Variants in ROBO2 observed in about 807,000 individuals in gnomAD.
The protein encoded by ROBO2 is roundabout homolog 2.
In ROBO2, 53 loss-of-function variants were observed where a neutral mutation model predicts 160.8. The ratio of observed to expected loss-of-function variants is 0.33; its 90% CI spans 0.26 to 0.41. ROBO2 has a LOEUF of 0.41. ROBO2 is among the 10% of genes least tolerant of loss of function. The probability of loss-of-function intolerance (pLI) is 1.00; values close to 1 mark genes in which losing one functional copy is unlikely to be tolerated. For missense variants in ROBO2, 1,577 were observed against 1,722.4 expected (o/e 0.92, Z 1.49); for synonymous variants, 664 against 611.7 (o/e 1.09, Z -1.26).
In ROBO2 at chr3:76,970,278, C is replaced by T. The variant is rs115483795; in HGVS notation, c.110-127736C>T. ...CTACCTCTACCATTTCCTTTACTTTCGGGAAAGGAGATTTTAAGTAAATAC... is the reference window on the plus strand; with the variant it reads ...CTACCTCTACCATTTCCTTTACTTTTGGGAAAGGAGATTTTAAGTAAATAC... On this transcript the variant is annotated intron_variant, in intron 2 of 26. Coordinates refer to the ROBO2 transcript ENST00000487694. 2.0e-3 allele frequency among the ~76,000 whole-genome samples: 307 copies of T among 152,182 alleles called. 1 individual carries two copies. Among genetic ancestry groups the T allele is most frequent in the African/African-American group, 7.2e-3 (301 of 41,532 alleles).
intron 2 of ROBO2, among the ~76,000 whole-genome samples, chr3:76,901,815 T>C (rs527663178): frequency 4.7e-4 from 72 of 152,128 alleles, no homozygotes; most frequent in African/African-American, 1.7e-3. Context: ...TGCACACATT[T>C]GATCAAAGAT....
At chr3:77,307,770 C>T (rs977004433) in intron 2 of ROBO2, among the ~76,000 whole-genome samples, 3 of 152,108 alleles carry the variant, frequency 2.0e-5, no homozygotes, top group Admixed American at 1.3e-4. Context: ...GTAATCCCAG[C>T]TACTCGGGAG....
intron 2 of ROBO2, among the ~76,000 whole-genome samples, chr3:76,449,523 C>T (rs753729956): frequency 6.6e-6 from 1 of 152,024 alleles, no homozygotes; most frequent in Non-Finnish European, 1.5e-5. Context: ...CTTTCTTAAC[C>T]GGACTCGATT....
intron 2 of ROBO2, among the ~76,000 whole-genome samples, chr3:76,465,285 G>A (rs2106889672): frequency 1.3e-5 from 2 of 152,106 alleles, no homozygotes; most frequent in South Asian, 4.1e-4. Context: ...GCATATACAT[G>A]TATCATGAGT....
intron 2 of ROBO2, among the ~76,000 whole-genome samples, chr3:77,416,276 A>G (rs751919533): frequency 6.6e-6 from 1 of 152,138 alleles, no homozygotes; most frequent in East Asian, 1.9e-4. Context: ...GGCCTGGAGA[A>G]TGCACCATTT....
In ROBO2 at chr3:76,499,503, A is replaced by G. The variant is rs77535331; in HGVS notation, c.109+561901A>G. Among the ~76,000 whole-genome samples, 6 of 152,246 alleles carry G rather than the reference A, an allele frequency of 3.9e-5. No individual in the cohort carries two copies. In the East Asian group the frequency reaches 1.2e-3, roughly 29 times the overall value. ...CATATGGCTTGACTTTCAGGAGTAC[A>G]TTTCTCAAGTCCTAAATTATTCCTT... On this transcript the variant is annotated intron_variant, in intron 2 of 26. Transcript: ENST00000487694.
intron 2 of ROBO2, among the ~76,000 whole-genome samples, chr3:76,951,429 T>C (rs901967367): frequency 2.6e-5 from 4 of 152,230 alleles, no homozygotes; most frequent in Non-Finnish European, 4.4e-5. Flanking sequence ...GATAATGTAT[T>C]TGAAATTAGA....
chr3:77,002,776 T>A (rs2061395394), intron 2 of ROBO2, among the ~76,000 whole-genome samples: 1 of 152,154 alleles, frequency 6.6e-6, no homozygotes. Context: ...CTTTTTATGT[T>A]TTCCTTTTTG....
chr3:76,217,885 T>C (rs1384653626), intron 2 of ROBO2, among the ~76,000 whole-genome samples: 1 of 152,156 alleles, frequency 6.6e-6, no homozygotes, highest in Admixed American at 6.6e-5. Context: ...ACCAATATCC[T>C]TGATGAACAT....
At chr3:76,260,146 T>C (rs1027803872) in intron 2 of ROBO2, among the ~76,000 whole-genome samples, 2 of 152,118 alleles carry the variant, frequency 1.3e-5, no homozygotes, top group South Asian at 2.1e-4. Flanking sequence ...GCAATGCTGG[T>C]CCAGGTGAGG....
intron 6 of ROBO2, among the ~76,000 whole-genome samples, chr3:77,525,598 C>T (rs1165228492): frequency 6.6e-6 from 1 of 151,068 alleles, no homozygotes; most frequent in Non-Finnish European, 1.5e-5. Flanking sequence ...AATGACAACA[C>T]AAACTGCGTA....
chr3:77,102,952 A>C (rs2072205829), intron 2 of ROBO2, among the ~76,000 whole-genome samples: 1 of 152,184 alleles, frequency 6.6e-6, no homozygotes, highest in Admixed American at 6.5e-5. Flanking sequence ...GTTAGAAAAC[A>C]GTTGCAGAGT....
chr3:77,119,444 T>C (rs2074533624), intron 2 of ROBO2, among the ~76,000 whole-genome samples: 1 of 152,230 alleles, frequency 6.6e-6, no homozygotes, highest in Non-Finnish European at 1.5e-5. Flanking sequence ...GACTGTATAT[T>C]ATTTTAGCAT....
chr3:77,602,249 C>T, exon 20 of ROBO2: 9 of 1,614,182 alleles, frequency 5.6e-6, no homozygotes, highest in Non-Finnish European at 7.6e-6. Flanking sequence ...GATAAAACAG[C>T]AACGATGCTC....
intron 2 of ROBO2, among the ~76,000 whole-genome samples, chr3:77,129,489 G>T (rs2075652492): frequency 6.6e-6 from 1 of 152,186 alleles, no homozygotes; most frequent in African/African-American, 2.4e-5. Context: ...AGCATTTTCT[G>T]CATTCTGCAG....
At chr3:75,928,277 C>T (rs1052206790) in intron 1 of ROBO2, among the ~76,000 whole-genome samples, 4 of 152,218 alleles carry the variant, frequency 2.6e-5, no homozygotes, top group African/African-American at 9.6e-5. Flanking sequence ...AGCCACCGTG[C>T]CCGGCCTCTA....
chr3:76,010,174 A>G (rs960165096), intron 2 of ROBO2, among the ~76,000 whole-genome samples: 1 of 152,234 alleles, frequency 6.6e-6, no homozygotes, highest in Admixed American at 6.5e-5. Flanking sequence ...TCCAGAGGAC[A>G]GTGGTATCAG....
At chr3:77,093,416 A>G (rs1382105513) in intron 1 of ROBO2, among the ~76,000 whole-genome samples, 1 of 151,964 alleles carries the variant, frequency 6.6e-6, no homozygotes, top group Non-Finnish European at 1.5e-5. Context: ...TTATTTTTTG[A>G]CCAAATAATG....
At chr3:76,142,726 G>A (rs987525041) in intron 2 of ROBO2, among the ~76,000 whole-genome samples, 1 of 151,902 alleles carries the variant, frequency 6.6e-6, no homozygotes, top group African/African-American at 2.4e-5. Flanking sequence ...GCATGAATAA[G>A]ACCTACTATT....
Sources: gnomAD v4.1 joint callset for allele counts (sites outside exome capture counted in the v4.1 genomes callset) on GRCh38, gnomAD v4.1.1 for gene constraint, MANE v1.5 for transcripts, NCBI Gene and HGNC (gene_info 2026-07-23, HGNC 2026-07-21) for gene names.